The following CDC45 variants were observed in gnomAD, a reference collection of about 807,000 sequenced individuals.
CDC45 encodes cell division cycle 45.
CDC45 carries 54 observed loss-of-function variants against 77.8 expected under a neutral mutation model. The ratio of observed to expected loss-of-function variants is 0.69; its 90% CI spans 0.56 to 0.87. The LOEUF is 0.87. Ranked by LOEUF, CDC45 falls within the 40% of genes least tolerant of loss-of-function variation. The probability of loss-of-function intolerance (pLI) is 0.00; values close to 1 mark genes in which losing one functional copy is unlikely to be tolerated. For synonymous variants in CDC45, 260 were observed against 272.1 expected (o/e 0.96, Z 0.44); for missense variants, 649 against 721.6 (o/e 0.90, Z 1.15).
intron 8 of CDC45, among the ~76,000 whole-genome samples, chr22:19,497,718 T>A (rs2090268064): frequency 6.6e-6 from 1 of 152,160 alleles, no homozygotes; most frequent in Admixed American, 6.6e-5. Flanking sequence ...CTGCTCAGCC[T>A]GTACTCAGTA....
At chr22:19,485,468 A>G (rs1401683315) in intron 5 of CDC45, among the ~76,000 whole-genome samples, 1 of 152,228 alleles carries the variant, frequency 6.6e-6, no homozygotes, top group African/African-American at 2.4e-5. Flanking sequence ...CAGAGCATCC[A>G]TAGACACTGC....
At chr22:19,490,731 G>A (rs928953906) in intron 5 of CDC45, among the ~76,000 whole-genome samples, 1 of 151,648 alleles carries the variant, frequency 6.6e-6, no homozygotes, top group Non-Finnish European at 1.5e-5. Flanking sequence ...AGATTTTTTA[G>A]TGGTTGTTTC....
At chr22:19,484,478 G>A (rs755580691) in intron 5 of CDC45, among the ~76,000 whole-genome samples, 1 of 152,194 alleles carries the variant, frequency 6.6e-6, no homozygotes, top group East Asian at 1.9e-4. Flanking sequence ...TGGACCTTGG[G>A]TCTGAGCTGC....
chr22:19,507,363 A>G (rs758151065), intron 10 of CDC45, 23 bp from the exon 11 acceptor site: 2 of 1,611,308 alleles, frequency 1.2e-6, no homozygotes, highest in Admixed American at 1.7e-5. Context: ...GGGTGCTTGC[A>G]TGCTCCTTGA....
Position 19,519,052 on chromosome 22 carries a change from T to C in CDC45, c.*1+143T>C, listed in dbSNP as rs373534933. The C allele has an allele frequency of 3.5e-5, 24 of 695,420 alleles. No homozygotes were observed. The African/African-American group carries it at 4.3e-4, about 12-fold the overall frequency. The allele number at this position is 695,420 out of a possible 1,614,324, so 43.1% of individuals were successfully genotyped here. ...GTTCTTGAGATTGGAGCCAACACAT[T>C]TTTCCCAAGCACATCTGTCCTTAGG... On this transcript the variant is annotated intron_variant, in intron 18 of 18. Transcript: ENST00000263201.
chr22:19,499,111 G>T lies in CDC45; in HGVS notation c.664G>T (p.Val222Phe). 1 of 1,614,148 alleles carries T rather than the reference G, an allele frequency of 6.2e-7. No individual in the cohort carries two copies. The highest frequency in any genetic ancestry group is 1.3e-5 in the African/African-American group (1 of 75,046). The change falls in exon 9 of 19, where the codon GTT becomes TTT. Residue 222 changes from valine to phenylalanine, a missense_variant. Physicochemically the swap from Val to Phe is conservative, Grantham distance 50. Transcript: ENST00000263201. ...DLNDMLWWAI[V>F]GLTDQWVQDK... ...CTTCTCTTCTTCCAGGTGGGCCATC[G>T]TTGGACTAACAGACCAGTGGGTGCA...
Position 19,482,813 on chromosome 22 carries a change from TACA to T in CDC45, c.331_333del (p.Asn111del), listed in dbSNP as rs1378094381. 3.1e-6 allele frequency: 5 copies of T among 1,614,016 alleles called. No homozygotes were observed. In the African/African-American group the frequency reaches 4.0e-5, roughly 13 times the overall value. ...TAGGCCAGTCAATGTCGTCAATGTA[TACA>T]ACGATACCCAGGTACTTTTTGTGCT... On this transcript the variant is annotated inframe_deletion, in exon 4 of 19. Coordinates refer to ENST00000263201, the MANE Select transcript of CDC45 (RefSeq NM_003504.5).
At chr22:19,491,238 C>T (rs546058117) in intron 5 of CDC45, among the ~76,000 whole-genome samples, 16 of 152,296 alleles carry the variant, frequency 1.1e-4, no homozygotes, top group East Asian at 1.9e-4. Context: ...AGCATAATTA[C>T]AAACTCAAGA....
intron 5 of CDC45, among the ~76,000 whole-genome samples, chr22:19,493,426 GTTT>G (rs55876348): frequency 6.7e-6 from 1 of 148,326 alleles, no homozygotes; most frequent in Non-Finnish European, 1.5e-5. Flanking sequence ...GTCTTACTTT[GTTT>G]TTTTTTTTTT....
Position 19,503,954 on chromosome 22 carries a change from C to T in CDC45, c.705-1408C>T, listed in dbSNP as rs145077712. Among the ~76,000 whole-genome samples the T allele has an allele frequency of 2.8e-3, 423 of 152,348 alleles. 1 individual carries two copies. The highest frequency in any genetic ancestry group is 4.5e-3 in the Non-Finnish European group (306 of 68,036). On this transcript the variant is annotated intron_variant, in intron 9 of 18. Coordinates refer to ENST00000263201, the MANE Select transcript of CDC45 (RefSeq NM_003504.5). ...TCTATGCACCAAAGGTTGACATTGC[C>T]CTGTCAACAGGCAGGGCACGGGTGG...
At chr22:19,517,843 G>A (rs1237023664) in intron 17 of CDC45, among the ~76,000 whole-genome samples, 2 of 152,226 alleles carry the variant, frequency 1.3e-5, no homozygotes, top group Admixed American at 6.5e-5. Context: ...GGTCCTGGGG[G>A]TAAGGGCTTC....
chr22:19,518,741 A>G, intron 17 of CDC45, 103 bp from the exon 18 acceptor site: 3 of 883,436 alleles, frequency 3.4e-6, no homozygotes, highest in Non-Finnish European at 5.8e-6. Context: ...GGAGCCGCGC[A>G]CTTTGGAATG....
At chr22:19,489,141 A>G (rs1456951065) in intron 5 of CDC45, among the ~76,000 whole-genome samples, 1 of 152,218 alleles carries the variant, frequency 6.6e-6, no homozygotes, top group East Asian at 1.9e-4. Flanking sequence ...ACACAACTGC[A>G]TTCCAGCCTG....
intron 5 of CDC45, among the ~76,000 whole-genome samples, chr22:19,493,697 C>T (rs1447334623): frequency 6.6e-6 from 1 of 152,156 alleles, no homozygotes; most frequent in Non-Finnish European, 1.5e-5. Context: ...GCCCGCCTGT[C>T]TCCAAAGTGC....
chr22:19,479,694 G>T, upstream of CDC45: 9 of 679,062 alleles, frequency 1.3e-5, no homozygotes, highest in Admixed American at 2.1e-5. Context: ...CTGGGTAAAA[G>T]CGAGTCAGAG....
In CDC45 at chr22:19,482,764, T is replaced by C. The variant is rs2090003897; in HGVS notation, c.279T>C (p.Thr93=). Residue 93 remains threonine, a synonymous_variant, in exon 4 of 19, where the codon ACT becomes ACC. Transcript: ENST00000263201. The part of the protein sequence containing the change: ...LLDILQPDED[T]IFFVCDTHRP... Reference sequence around the variant, plus strand: ...ATATTCTTCAACCTGATGAAGACACTATATTCTTTGTGTGTGACACCCATA... The same window carrying C: ...ATATTCTTCAACCTGATGAAGACACCATATTCTTTGTGTGTGACACCCATA... The C allele has an allele frequency of 6.2e-7, 1 of 1,611,976 alleles. No individual in the cohort carries two copies. Among genetic ancestry groups the C allele is most frequent in the Non-Finnish European group, 8.5e-7 (1 of 1,177,964 alleles).
At chr22:19,493,593 G>A (rs1044459263) in intron 5 of CDC45, among the ~76,000 whole-genome samples, 1 of 152,118 alleles carries the variant, frequency 6.6e-6, no homozygotes, top group African/African-American at 2.4e-5. Flanking sequence ...ACAGGCATGT[G>A]CCACCACGCC....
intron 17 of CDC45, among the ~76,000 whole-genome samples, chr22:19,517,476 T>C (rs1219589924): frequency 6.6e-6 from 1 of 152,246 alleles, no homozygotes; most frequent in East Asian, 1.9e-4. Flanking sequence ...GCGTTCTTAT[T>C]ATTGTTGACA....
chr22:19,498,423 C>T (rs985668126), intron 8 of CDC45, among the ~76,000 whole-genome samples: 1 of 152,232 alleles, frequency 6.6e-6, no homozygotes, highest in Admixed American at 6.5e-5. Context: ...TCTGAGTCCG[C>T]TGTGCGGGCT....
Sources: allele counts gnomAD v4.1 joint callset (sites outside exome capture counted in the v4.1 genomes callset), GRCh38; gene constraint gnomAD v4.1.1; transcripts MANE v1.5; gene names NCBI Gene and HGNC (gene_info 2026-07-23, HGNC 2026-07-21).